The following PCDHGB2 variants were observed in gnomAD, a reference collection of about 807,000 sequenced individuals.
PCDHGB2 encodes the protein protocadherin gamma-B2.
A neutral mutation model predicts 59.3 loss-of-function variants in PCDHGB2; 55 were observed. That is an observed-to-expected ratio of 0.93 (90% CI 0.75 to 1.16). The LOEUF (loss-of-function observed/expected upper bound fraction) is 1.16, where lower values mean the gene tolerates loss of function less well. Ranked by LOEUF, PCDHGB2 falls within the 50% of genes most tolerant of loss-of-function variation. PCDHGB2 has a pLI of 0.00. For synonymous variants in PCDHGB2, 516 were observed against 512.0 expected (o/e 1.01, Z -0.11); for missense variants, 1,228 against 1,198.5 (o/e 1.02, Z -0.36).
intron 1 of PCDHGB2, chr5:141,421,426 A>T: frequency 1.2e-6 from 2 of 1,614,104 alleles, no homozygotes; most frequent in Non-Finnish European, 8.5e-7. Flanking sequence ...CGGAGTCCGC[A>T]TCGTCTCCAG....
At chr5:141,371,656 C>A (rs772257649) in intron 1 of PCDHGB2, 4 of 1,613,886 alleles carry the variant, frequency 2.5e-6, no homozygotes, top group East Asian at 2.2e-5. Flanking sequence ...TACAATGTGA[C>A]GATCACAGCT....
intron 1 of PCDHGB2, chr5:141,416,520 G>A (rs1209482346): frequency 6.6e-6 from 1 of 152,136 alleles, no homozygotes; most frequent in African/African-American, 2.4e-5. Context: ...TATTTCAGTG[G>A]CTCTTTAATG....
rs566565641 is a variant in PCDHGB2, at chr5:141,367,114, T to C, written c.2421+4558T>C. The C allele has an allele frequency of 8.2e-5, 18 of 220,652 alleles. 1 individual carries two copies. Among genetic ancestry groups the C allele is most frequent in the Non-Finnish European group, 1.4e-4 (16 of 111,388 alleles). 13.7% of individuals were successfully genotyped at this position (220,652 alleles called of 1,614,324 possible). A position where few individuals can be genotyped will look rare whatever the true frequency, so the allele number is the denominator to read the frequency against. ...CTTTTGAGTGTCTGCCTAGACACCA[T>C]TAGTGAATGTGTTTTGGAAAGGATA... On this transcript the variant is annotated intron_variant, in intron 1 of 3. Coordinates refer to ENST00000522605, the MANE Select transcript of PCDHGB2 (RefSeq NM_018923.3).
chr5:141,409,522 G>A (rs371017853), intron 1 of PCDHGB2: 30 of 1,613,874 alleles, frequency 1.9e-5, no homozygotes, highest in Non-Finnish European at 2.3e-5. Flanking sequence ...GCATCACCTT[G>A]TATGTCGCTG....
intron 1 of PCDHGB2, chr5:141,390,129 T>G (rs1194598931): frequency 6.2e-7 from 1 of 1,613,936 alleles, no homozygotes; most frequent in Non-Finnish European, 8.5e-7. Flanking sequence ...TTTGCCTTAT[T>G]CCTACAATCT....
intron 2 of PCDHGB2, among the ~76,000 whole-genome samples, chr5:141,501,907 G>T (rs4912761): frequency 0.59 from 89,145 of 151,782 alleles, 27,774 homozygotes; most frequent in African/African-American, 0.8. Context: ...CAACCCCACT[G>T]TTCCACTCAG....
intron 1 of PCDHGB2, among the ~76,000 whole-genome samples, chr5:141,456,877 C>T (rs910777736): frequency 2.0e-5 from 3 of 152,202 alleles, no homozygotes; most frequent in South Asian, 2.1e-4. Context: ...GCAGGAGAAT[C>T]GCTTGAACCC....
intron 1 of PCDHGB2, chr5:141,372,130 C>G (rs1434489801): frequency 1.2e-6 from 2 of 1,613,648 alleles, no homozygotes; most frequent in Non-Finnish European, 1.7e-6. Context: ...GATATGGTGC[C>G]GCGCTCTGCA....
rs772487189 is a variant in PCDHGB2 at position 141,415,555 on chromosome 5, C to G, written c.2421+52999C>G. 5 of 1,613,954 alleles carry G rather than the reference C, an allele frequency of 3.1e-6. No homozygotes were observed. In the African/African-American group the frequency reaches 6.7e-5, roughly 22 times the overall value. On this transcript the variant is annotated intron_variant, in intron 1 of 3. Transcript: ENST00000522605. ...CCAGGAGAGCTGTGAGAAAAACGAT[C>G]CTTTGTCTTTGTTAGATGATTCGAA...
At chr5:141,364,493 G>C in intron 1 of PCDHGB2, 2 of 1,614,018 alleles carry the variant, frequency 1.2e-6, no homozygotes, top group Non-Finnish European at 1.7e-6. Context: ...CCTTGGGCTG[G>C]AGCCCCAGGA....
chr5:141,397,039 A>G (rs2093467837), intron 1 of PCDHGB2, among the ~76,000 whole-genome samples: 1 of 152,236 alleles, frequency 6.6e-6, no homozygotes, highest in Non-Finnish European at 1.5e-5. Context: ...CCACAAATTT[A>G]TGTAAATGAA....
chr5:141,393,452 G>T lies in PCDHGB2; in HGVS notation c.2421+30896G>T, dbSNP rs189963623. 9.0e-3 allele frequency: 14,601 copies of T among 1,614,028 alleles called. 101 individuals are homozygous for T. The highest frequency in any genetic ancestry group is 0.01 in the Non-Finnish European group (11,851 of 1,179,906). ...AGGCTGCTCACCACCTGGTCCTCACGGCCTCGGATGGCGGCAAGCCGCCTC... is the reference window on the plus strand; with the variant it reads ...AGGCTGCTCACCACCTGGTCCTCACTGCCTCGGATGGCGGCAAGCCGCCTC... On this transcript the variant is annotated intron_variant, in intron 1 of 3. Coordinates refer to ENST00000522605, the MANE Select transcript of PCDHGB2 (RefSeq NM_018923.3).
chr5:141,442,232 T>A (rs1303447766), intron 1 of PCDHGB2: 2 of 153,276 alleles, frequency 1.3e-5, no homozygotes, highest in Non-Finnish European at 2.9e-5. Context: ...TTCCTTTTTA[T>A]TCTTCCTGAT....
At chr5:141,389,114 C>T in intron 1 of PCDHGB2, 2 of 1,614,004 alleles carry the variant, frequency 1.2e-6, no homozygotes, top group Non-Finnish European at 1.7e-6. Context: ...TTCTAGACCG[C>T]GAGCAGAATC....
intron 1 of PCDHGB2, chr5:141,383,809 T>A: frequency 6.2e-7 from 1 of 1,613,966 alleles, no homozygotes; most frequent in South Asian, 1.1e-5. Context: ...AATATCAACT[T>A]TAGAAGGATT....
rs745334496 is a variant in PCDHGB2 at position 141,478,302 on chromosome 5, C to A, written c.2422-16505C>A. 47 of 1,613,952 alleles carry A rather than the reference C, an allele frequency of 2.9e-5. 1 individual carries two copies. In the Admixed American group the frequency reaches 7.0e-4, roughly 24 times the overall value. On this transcript the variant is annotated intron_variant, in intron 1 of 3. Transcript: ENST00000522605. ...AAGCAGTCTAGAGACCTATACCGAGCCCCGGTGAGCTCACTGTACCGAACA... is the reference window on the plus strand; with the variant it reads ...AAGCAGTCTAGAGACCTATACCGAGACCCGGTGAGCTCACTGTACCGAACA...
intron 1 of PCDHGB2, chr5:141,416,850 T>C (rs2096064812): frequency 6.6e-6 from 1 of 151,902 alleles, no homozygotes; most frequent in South Asian, 2.1e-4. Flanking sequence ...AATTCCATGA[T>C]TTTTTTCAGG....
In PCDHGB2 at chr5:141,382,630, A is replaced by G. The variant is rs142649877; in HGVS notation, c.2421+20074A>G. ...TGAAATCAGTGTATTGTGTGCATCA[A>G]TGTGGTGCAGTAACTTAGTAAGGAC... On this transcript the variant is annotated intron_variant, in intron 1 of 3. Coordinates refer to ENST00000522605, the MANE Select transcript of PCDHGB2 (RefSeq NM_018923.3). The G allele has an allele frequency of 1.3e-4, 49 of 364,976 alleles. 1 individual carries two copies. Among genetic ancestry groups the G allele is most frequent in the Middle Eastern group, 7.2e-4 (1 of 1,388 alleles). 22.6% of individuals were successfully genotyped at this position (364,976 alleles called of 1,614,324 possible). A position where few individuals can be genotyped will look rare whatever the true frequency, so the allele number is the denominator to read the frequency against.
chr5:141,361,516 G>C lies in PCDHGB2; in HGVS notation c.1381G>C (p.Val461Leu). The stretch of plus-strand genomic sequence containing the variant: ...CCAACAGACTTCCTACATGGTTCAC[G>C]TGGCAGAGAACAATCCTCCTGGCGC... ...VFQQTSYMVH[V>L]AENNPPGASI... The change falls in exon 1 of 4, where the codon GTG (valine) becomes CTG (leucine). Residue 461 changes from valine (V) to leucine (L), a missense_variant. Val to Leu is a conservative substitution (Grantham distance 32). This residue lies in a region of PCDHGB2 where 781 missense variants were observed against 721.6 expected (regional missense o/e 1.08). Coordinates refer to ENST00000522605, the MANE Select transcript of PCDHGB2 (RefSeq NM_018923.3). 2 of 1,614,060 alleles carry C rather than the reference G, an allele frequency of 1.2e-6. No individual in the cohort carries two copies.
Sources: gnomAD v4.1 joint callset for allele counts (sites outside exome capture counted in the v4.1 genomes callset) on GRCh38, gnomAD v4.1.1 for gene constraint, gnomAD v4.1.1 regional missense constraint, MANE v1.5 for transcripts, NCBI Gene and HGNC (gene_info 2026-07-23, HGNC 2026-07-21) for gene names.